The following NBAS variants were observed in gnomAD, a reference collection of about 807,000 sequenced individuals.
NBAS encodes NAG/BC035112 fusion.
In NBAS, 219 loss-of-function variants were observed where a neutral mutation model predicts 302.5. That is an observed-to-expected ratio of 0.72 (90% CI 0.65 to 0.81). The LOEUF (loss-of-function observed/expected upper bound fraction) is 0.81, where lower values mean the gene tolerates loss of function less well. Among genes scored for constraint, NBAS ranks in the 30% least tolerant of loss-of-function variants. The pLI is 0.00. For synonymous variants in NBAS, 1,118 were observed against 1,021.6 expected (o/e 1.09, Z -1.80); for missense variants, 2,932 against 2,841.6 (o/e 1.03, Z -0.72).
the NBAS span, among the ~76,000 whole-genome samples, chr2:14,789,269 G>T: frequency 6.6e-6 from 1 of 152,158 alleles, no homozygotes; most frequent in Non-Finnish European, 1.5e-5. Context: ...GGAACTCCCC[G>T]ACCCCTTGCG....
chr2:14,949,309 T>C, the NBAS span, among the ~76,000 whole-genome samples: 1 of 152,096 alleles, frequency 6.6e-6, no homozygotes, highest in Non-Finnish European at 1.5e-5. Flanking sequence ...ACAATTCACA[T>C]AATGGGAGAA....
rs1419786161 is a variant in NBAS, at chr2:15,277,120, G to A, written c.5139-19C>T. On this transcript the variant is annotated intron_variant, in intron 42 of 51. Transcript: ENST00000281513. Reference sequence around the variant, plus strand: ...GGACAAACTGAAATTAAGAGCCAAAGGAACTGTGTTAAGATTTTGTTCCTT... The same window carrying A: ...GGACAAACTGAAATTAAGAGCCAAAAGAACTGTGTTAAGATTTTGTTCCTT... The A allele has an allele frequency of 6.2e-7, 1 of 1,611,944 alleles. No homozygotes were observed. The highest frequency in any genetic ancestry group is 2.2e-5 in the East Asian group (1 of 44,772).
chr2:15,049,815 G>A, the NBAS span, among the ~76,000 whole-genome samples: 5 of 152,178 alleles, frequency 3.3e-5, no homozygotes, highest in Non-Finnish European at 5.9e-5. Flanking sequence ...CTTCCAGGGG[G>A]CCTTGTAAAC....
At chr2:15,236,527 CAAAAA>C (rs1167993098) in intron 45 of NBAS, among the ~76,000 whole-genome samples, 1 of 28,302 alleles carries the variant, frequency 3.5e-5, no homozygotes, top group African/African-American at 1.0e-4. Flanking sequence ...GACCCTGTCT[CAAAAA>C]AAAAAAAAAA....
chr2:14,809,106 G>C, the NBAS span, among the ~76,000 whole-genome samples: 2 of 152,160 alleles, frequency 1.3e-5, no homozygotes, highest in Non-Finnish European at 2.9e-5. Context: ...TTTATAAGGG[G>C]AGCAGGGCAT....
intron 11 of NBAS, among the ~76,000 whole-genome samples, chr2:15,502,983 A>G (rs1312592608): frequency 6.6e-6 from 1 of 152,316 alleles, no homozygotes; most frequent in Non-Finnish European, 1.5e-5. Context: ...CTTGTTCTAC[A>G]AACTTTTGTA....
At chr2:15,466,967 G>A (rs1337186039) in intron 19 of NBAS, among the ~76,000 whole-genome samples, 5 of 147,346 alleles carry the variant, frequency 3.4e-5, no homozygotes, top group Non-Finnish European at 7.5e-5. Flanking sequence ...AAAATAAAAC[G>A]AGTCAGAAAT....
intron 26 of NBAS, chr2:15,397,432 TC>T (rs1232795766): frequency 4.7e-6 from 2 of 426,930 alleles, no homozygotes; most frequent in African/African-American, 2.1e-5. Flanking sequence ...AGGACTTAGC[TC>T]CTTACATGGG....
chr2:14,863,474 T>G, the NBAS span, among the ~76,000 whole-genome samples: 80 of 152,162 alleles, frequency 5.3e-4, no homozygotes, highest in Non-Finnish European at 4.4e-5. Flanking sequence ...GAGAAGAATG[T>G]CATAAGATCA....
chr2:15,425,749 A>G (rs1359502550), intron 22 of NBAS, among the ~76,000 whole-genome samples: 1 of 152,022 alleles, frequency 6.6e-6, no homozygotes, highest in Non-Finnish European at 1.5e-5. Flanking sequence ...CATCTGCTCT[A>G]TTTTTGCAAG....
At chr2:15,294,803 G>C (rs1670470942) in intron 40 of NBAS, among the ~76,000 whole-genome samples, 1 of 152,312 alleles carries the variant, frequency 6.6e-6, no homozygotes, top group South Asian at 2.1e-4. Context: ...TAGTGCCCCA[G>C]ATTTACACCC....
the NBAS span, among the ~76,000 whole-genome samples, chr2:15,004,298 T>C: frequency 6.6e-6 from 1 of 152,210 alleles, no homozygotes; most frequent in African/African-American, 2.4e-5. Context: ...ATGCAAACAA[T>C]TTACAGTTTC....
chr2:15,303,818 T>C (rs1670914514), intron 40 of NBAS, among the ~76,000 whole-genome samples: 1 of 152,262 alleles, frequency 6.6e-6, no homozygotes, highest in African/African-American at 2.4e-5. Flanking sequence ...GGCCAAAATG[T>C]GGCTGTGGAG....
intron 38 of NBAS, among the ~76,000 whole-genome samples, chr2:15,323,296 T>C (rs1230994962): frequency 6.6e-6 from 1 of 152,088 alleles, no homozygotes; most frequent in African/African-American, 2.4e-5. Flanking sequence ...ACCCACCACA[T>C]AGAAAATCCT....
chr2:15,085,555 G>C, the NBAS span, among the ~76,000 whole-genome samples: 44 of 152,228 alleles, frequency 2.9e-4, no homozygotes, highest in East Asian at 8.4e-3. Flanking sequence ...CAGGCTGTGA[G>C]GGGGCATGGC....
At chr2:15,148,431 C>T in the NBAS span, among the ~76,000 whole-genome samples, 10 of 151,960 alleles carry the variant, frequency 6.6e-5, no homozygotes, top group African/African-American at 2.2e-4. Flanking sequence ...GAAAAGCTTC[C>T]GGGAGGAGGC....
chr2:14,984,988 G>C, the NBAS span, among the ~76,000 whole-genome samples: 1 of 152,048 alleles, frequency 6.6e-6, no homozygotes, highest in East Asian at 1.9e-4. Flanking sequence ...TCATCTTTTG[G>C]AACTCAGGAT....
the NBAS span, among the ~76,000 whole-genome samples, chr2:14,996,705 A>G: frequency 6.6e-6 from 1 of 152,172 alleles, no homozygotes; most frequent in African/African-American, 2.4e-5. Context: ...GGGATCCCAG[A>G]GCTCTTTCTG....
At chr2:15,275,116 C>G (rs1482562513) in intron 44 of NBAS, among the ~76,000 whole-genome samples, 2 of 152,080 alleles carry the variant, frequency 1.3e-5, no homozygotes, top group Non-Finnish European at 2.9e-5. Context: ...CTAACCCAAG[C>G]TAAGTTGTTA....
Sources: allele counts gnomAD v4.1 joint callset (sites outside exome capture counted in the v4.1 genomes callset), GRCh38; gene constraint gnomAD v4.1.1; transcripts MANE v1.5; gene names NCBI Gene and HGNC (gene_info 2026-07-23, HGNC 2026-07-21).